Variants in RSPH14 observed in about 807,000 individuals in gnomAD.
The protein encoded by RSPH14 is radial spoke head 14 homolog, also known as rhabdoid tumor deletion region gene 1.
A neutral mutation model predicts 26.7 loss-of-function variants in RSPH14; 20 were observed. That is an observed-to-expected ratio of 0.75 (90% confidence interval 0.53 to 1.09). The LOEUF (loss-of-function observed/expected upper bound fraction) is 1.09. RSPH14 is among the 50% of genes least tolerant of loss of function. The probability of loss-of-function intolerance (pLI) is 0.00; values close to 1 mark genes in which losing one functional copy is unlikely to be tolerated. For missense variants in RSPH14, 449 were observed against 457.2 expected (o/e 0.98, Z 0.16); for synonymous variants, 177 against 189.3 (o/e 0.93, Z 0.53).
chr22:23,173,629 G>GTTTTTTTT, the RSPH14 span, among the ~76,000 whole-genome samples: 6 of 85,538 alleles, frequency 7.0e-5, no homozygotes, highest in African/African-American at 8.6e-5. Context: ...TTGGTTTTTT[G>GTTTTTTTT]TTTTTTGTTT....
chr22:23,109,146 C>T (rs1419957112), intron 4 of RSPH14, among the ~76,000 whole-genome samples: 3 of 152,158 alleles, frequency 2.0e-5, no homozygotes, highest in African/African-American at 4.8e-5. Context: ...TCTCTTGTGA[C>T]GCACTTCACT....
At chr22:23,081,257 G>A (rs148297960) in intron 4 of RSPH14, among the ~76,000 whole-genome samples, 6 of 152,276 alleles carry the variant, frequency 3.9e-5, no homozygotes, top group East Asian at 1.9e-4. Flanking sequence ...GAGATGTCAC[G>A]CAAGGTGTGC....
chr22:23,111,801 T>G lies in RSPH14; in HGVS notation c.421+22225A>C, dbSNP rs529619549. 2.0e-5 allele frequency among the ~76,000 whole-genome samples: 3 copies of G among 152,290 alleles called. No individual in the cohort carries two copies. The East Asian group carries it at 5.8e-4, about 29-fold the overall frequency. On this transcript the variant is annotated intron_variant, in intron 4 of 6. Coordinates refer to ENST00000216036, the MANE Select transcript of RSPH14 (RefSeq NM_014433.3). ...TCCACAGGGCAAGCCCCTTTGGACTTAACCCTGTTTGTGACAGCCCTGGTC... is the reference window on the plus strand; with the variant it reads ...TCCACAGGGCAAGCCCCTTTGGACTGAACCCTGTTTGTGACAGCCCTGGTC...
chr22:23,147,754 C>T (rs945879083), upstream of RSPH14, among the ~76,000 whole-genome samples: 12 of 152,174 alleles, frequency 7.9e-5, no homozygotes, highest in Admixed American at 5.2e-4. Flanking sequence ...TAAACATCCT[C>T]GGAGAGGGGA....
chr22:23,098,776 C>T (rs2069200097), intron 4 of RSPH14, among the ~76,000 whole-genome samples: 3 of 152,394 alleles, frequency 2.0e-5, no homozygotes, highest in South Asian at 4.1e-4. Context: ...TCCCCTCCCG[C>T]GATTCCTCCC....
chr22:23,068,031 CTAA>C (rs1199811493), intron 4 of RSPH14, among the ~76,000 whole-genome samples: 1 of 152,218 alleles, frequency 6.6e-6, no homozygotes, highest in Non-Finnish European at 1.5e-5. Context: ...ATTTAAAAGA[CTAA>C]TGTTAAAACT....
the RSPH14 span, among the ~76,000 whole-genome samples, chr22:23,172,775 C>T: frequency 2.0e-5 from 3 of 151,428 alleles, no homozygotes; most frequent in Non-Finnish European, 4.4e-5. Flanking sequence ...ACGGTGAAAC[C>T]CCATCTCTAC....
intron 6 of RSPH14, 57 bp from the exon 7 acceptor site, chr22:23,059,775 C>T (rs369270494): frequency 1.5e-5 from 23 of 1,484,214 alleles, no homozygotes; most frequent in Admixed American, 6.8e-5. Flanking sequence ...CTTCTCACCC[C>T]CTCTCACCCT....
the RSPH14 span, among the ~76,000 whole-genome samples, chr22:23,172,539 A>G: frequency 6.7e-6 from 1 of 148,698 alleles, no homozygotes; most frequent in African/African-American, 2.5e-5. Context: ...CATCTCTACT[A>G]AAAAAATACA....
At chr22:23,158,420 C>T in the RSPH14 span, among the ~76,000 whole-genome samples, 4 of 152,210 alleles carry the variant, frequency 2.6e-5, no homozygotes, top group African/African-American at 9.7e-5. Context: ...TTTGAAGTGA[C>T]ATGAATTTGG....
chr22:23,130,083 GGAAGAAAGAAAGAAAGAAAGA>G (rs1569192477), intron 4 of RSPH14, among the ~76,000 whole-genome samples: 119 of 29,110 alleles, frequency 4.1e-3, no homozygotes, highest in Middle Eastern at 0.021. Context: ...AAGAAAGAAA[GGAAGAAAGAAAGAAAGAAAGA>G]AAGAAAGAAA....
intron 4 of RSPH14, among the ~76,000 whole-genome samples, chr22:23,127,450 G>A (rs2070212698): frequency 6.6e-6 from 1 of 152,214 alleles, no homozygotes; most frequent in Non-Finnish European, 1.5e-5. Flanking sequence ...AGGCAAGACA[G>A]AAAAGGGCCT....
At chr22:23,148,730 C>T (rs560448702), upstream of RSPH14, among the ~76,000 whole-genome samples, 4 of 152,214 alleles carry the variant, frequency 2.6e-5, no homozygotes, top group African/African-American at 9.7e-5. Context: ...TCTCTGAAAT[C>T]AGCTCACACT....
In RSPH14 at chr22:23,130,097, AAG is replaced by A. The variant is rs1210583352; in HGVS notation, c.421+3927_421+3928del. Among the ~76,000 whole-genome samples the A allele has an allele frequency of 2.5e-4, 14 of 56,816 alleles. No homozygotes were observed. In the East Asian group the frequency reaches 4.6e-3, roughly 19 times the overall value. 37.3% of individuals were successfully genotyped at this position (56,816 alleles called of 152,430 possible). ...AAAGAAAGAAAGGAAGAAAGAAAGA[AAG>A]AAAGAAAGAAAGAAAGAAAGAAAGA... On this transcript the variant is annotated intron_variant, in intron 4 of 6. Transcript: ENST00000216036.
chr22:23,142,014 C>A (rs2070613701), upstream of RSPH14: 1 of 985,500 alleles, frequency 1.0e-6, no homozygotes, highest in Non-Finnish European at 1.2e-6. Flanking sequence ...AGTTGCCAGG[C>A]GACATCGTTG....
the RSPH14 span, among the ~76,000 whole-genome samples, chr22:23,155,332 T>A: frequency 6.6e-6 from 1 of 152,226 alleles, no homozygotes; most frequent in African/African-American, 2.4e-5. Context: ...TCCCCTCTTC[T>A]AGACTGTGCC....
chr22:23,062,855 G>A (rs914745792), intron 5 of RSPH14, among the ~76,000 whole-genome samples: 2 of 152,202 alleles, frequency 1.3e-5, no homozygotes, highest in African/African-American at 4.8e-5. Context: ...ACAAGAGTGG[G>A]GACAAGAGCA....
At chr22:23,067,417 C>T (rs1464081747) in intron 4 of RSPH14, among the ~76,000 whole-genome samples, 1 of 152,188 alleles carries the variant, frequency 6.6e-6, no homozygotes, top group Non-Finnish European at 1.5e-5. Flanking sequence ...GTTCTGGTCG[C>T]AGCCACACCC....
At chr22:23,157,273 C>G in the RSPH14 span, among the ~76,000 whole-genome samples, 1 of 150,118 alleles carries the variant, frequency 6.7e-6, no homozygotes, top group Non-Finnish European at 1.5e-5. Context: ...TTTTTTGAGC[C>G]TGAGTCTCGC....
Sources: allele counts gnomAD v4.1 joint callset (sites outside exome capture counted in the v4.1 genomes callset), GRCh38; gene constraint gnomAD v4.1.1; transcripts MANE v1.5; gene names NCBI Gene and HGNC (gene_info 2026-07-23, HGNC 2026-07-21).